Variants in COL4A3 observed in about 807,000 individuals in gnomAD.
COL4A3 encodes collagen alpha-3(IV) chain.
A neutral mutation model predicts 217.4 loss-of-function variants in COL4A3; 135 were observed. The observed-to-expected ratio is 0.62, with a 90% CI of 0.54 to 0.72. The LOEUF (loss-of-function observed/expected upper bound fraction) is 0.72. COL4A3 is among the 30% of genes least tolerant of loss of function. COL4A3 has a pLI of 0.00. For synonymous variants in COL4A3, 690 were observed against 736.3 expected, an observed-to-expected ratio of 0.94 and a Z score of 1.02; for missense variants, 1,868 against 2,119.9, an observed-to-expected ratio of 0.88 and a Z score of 2.33.
At chr2:227,192,633 C>A (rs1574524015) in intron 1 of COL4A3, among the ~76,000 whole-genome samples, 1 of 152,270 alleles carries the variant, frequency 6.6e-6, no homozygotes, top group Non-Finnish European at 1.5e-5. Context: ...GCAAGTGTCC[C>A]TTGGGACTTT....
chr2:227,307,862 A>C lies in COL4A3; in HGVS notation c.4405A>C (p.Ser1469Arg). The change falls in exon 48 of 52, where the codon AGT (serine) becomes CGT (arginine). Residue 1469 changes from serine (S) to arginine (R), a missense_variant. Ser to Arg is a moderately radical substitution (Grantham distance 110). Around this residue, in one of 2 missense-constraint regions of COL4A3, gnomAD observed 1,503 missense variants for 1,786.1 expected, o/e 0.84. Coordinates refer to ENST00000396578, the MANE Select transcript of COL4A3 (RefSeq NM_000091.5). ...SCPEGTVPLYSGFSFLFVQGN... is the reference protein window; with the variant it reads ...SCPEGTVPLYRGFSFLFVQGN... Reference sequence around the variant, plus strand: ...TCCAGAGGGGACAGTGCCACTCTACAGTGGGTTTTCTTTTCTTTTTGTACA... The same window carrying C: ...TCCAGAGGGGACAGTGCCACTCTACCGTGGGTTTTCTTTTCTTTTTGTACA... The C allele has an allele frequency of 1.2e-6, 2 of 1,614,168 alleles. No individual in the cohort carries two copies. Among genetic ancestry groups the C allele is most frequent in the East Asian group, 2.2e-5 (1 of 44,884 alleles).
At chr2:227,254,050 T>C (rs186166221) in intron 13 of COL4A3, 62 bp from the exon 14 acceptor site, 4 of 1,460,158 alleles carry the variant, frequency 2.7e-6, no homozygotes, top group Middle Eastern at 1.7e-4. Flanking sequence ...TTTGTCCCAC[T>C]GTTGAATCAG....
intron 34 of COL4A3, among the ~76,000 whole-genome samples, chr2:227,285,277 TAAAAAAAAAAAAA>T (rs764697409): frequency 1.4e-4 from 10 of 72,374 alleles, no homozygotes; most frequent in South Asian, 7.4e-4. Flanking sequence ...CTGCCAAACC[TAAAAAAAAAAAAA>T]AAAAAAAAAA....
chr2:227,239,750 A>G (rs968041856), intron 2 of COL4A3, among the ~76,000 whole-genome samples: 4 of 152,320 alleles, frequency 2.6e-5, no homozygotes, highest in Admixed American at 6.5e-5. Flanking sequence ...CACACTCCCC[A>G]GGCACCTTCT....
At chr2:227,244,179 G>A in intron 3 of COL4A3, 141 bp from the exon 4 acceptor site, 1 of 714,564 alleles carries the variant, frequency 1.4e-6, no homozygotes, top group South Asian at 1.6e-5. Flanking sequence ...AAATAAGCAA[G>A]CAATTGAATC....
intron 1 of COL4A3, among the ~76,000 whole-genome samples, chr2:227,185,027 G>A (rs888739941): frequency 4.0e-5 from 6 of 149,970 alleles, no homozygotes; most frequent in African/African-American, 7.4e-5. Context: ...TCAGCCTCCC[G>A]AATAGCTGGG....
At chr2:227,219,040 G>C (rs2067647914) in intron 1 of COL4A3, among the ~76,000 whole-genome samples, 1 of 151,564 alleles carries the variant, frequency 6.6e-6, no homozygotes, top group Admixed American at 6.6e-5. Context: ...TGTCCCCCAG[G>C]CTGGAGTGCA....
rs1394023072 is a variant in COL4A3 at position 227,284,116 on chromosome 2, A to T, written c.2747-95A>T. ...CAGCACTGTTAGCCTTTTTTGTTTG[A>T]TTTGTTCTGTTTTATAGTAAGCACT... On this transcript the variant is annotated intron_variant, in intron 33 of 51. Transcript: ENST00000396578. 21 of 1,529,234 alleles carry T rather than the reference A, an allele frequency of 1.4e-5. No homozygotes were observed. The Admixed American group carries it at 2.8e-4, about 21-fold the overall frequency. 94.7% of individuals were successfully genotyped at this position (1,529,234 alleles called of 1,614,324 possible). A position where few individuals can be genotyped will look rare whatever the true frequency, so the allele number is the denominator to read the frequency against.
Position 227,294,552 on chromosome 2 carries a change from G to A in COL4A3, c.3400G>A (p.Gly1134Arg). 6.2e-7 allele frequency: 1 copy of A among 1,612,438 alleles called. No homozygotes were observed. Among genetic ancestry groups the A allele is most frequent in the Non-Finnish European group, 8.5e-7 (1 of 1,178,478 alleles). ...AATCAAAGGCCTCCTGGGCCCTCCA[G>A]GAATCAGAGGCCCTCCAGGTTTCAT... The part of the protein sequence containing the change: ...KGIKGLLGPP[G>R]IRGPPGLPGF... Residue 1134 changes from glycine to arginine, a missense_variant, in exon 39 of 52, where the codon GGA (glycine) becomes AGA (arginine). This residue lies in a region of COL4A3 where 1,503 missense variants were observed against 1,786.1 expected (regional missense o/e 0.84). Coordinates refer to ENST00000396578, the MANE Select transcript of COL4A3 (RefSeq NM_000091.5).
At chr2:227,184,906 T>A (rs1304142237) in intron 1 of COL4A3, among the ~76,000 whole-genome samples, 1 of 135,030 alleles carries the variant, frequency 7.4e-6, no homozygotes, top group African/African-American at 2.8e-5. Context: ...TTTTTTTTTT[T>A]TTTTTTTTTT....
intron 1 of COL4A3, among the ~76,000 whole-genome samples, chr2:227,172,581 CTTTTTTT>C (rs11315628): frequency 4.6e-4 from 34 of 73,590 alleles, no homozygotes; most frequent in Non-Finnish European, 6.2e-4. Flanking sequence ...TCGTCTTCTT[CTTTTTTT>C]TTTTTTTTTT....
chr2:227,299,963 A>G (rs2073207276), intron 43 of COL4A3, among the ~76,000 whole-genome samples: 1 of 152,164 alleles, frequency 6.6e-6, no homozygotes, highest in South Asian at 2.1e-4. Flanking sequence ...GTAAATGCCT[A>G]TTTATTTTCT....
intron 1 of COL4A3, among the ~76,000 whole-genome samples, chr2:227,193,779 A>C (rs1366680108): frequency 3.7e-5 from 1 of 27,092 alleles, no homozygotes; most frequent in Admixed American, 3.8e-4. Context: ...GAAGGAAGGA[A>C]GGAAGGAAGG....
intron 1 of COL4A3, among the ~76,000 whole-genome samples, chr2:227,224,736 C>T (rs530113474): frequency 3.4e-5 from 5 of 145,026 alleles, no homozygotes; most frequent in South Asian, 2.2e-4. Flanking sequence ...GCCTGGGCAA[C>T]AAAAGTGAAA....
chr2:227,241,887 T>C (rs1289212522), intron 3 of COL4A3, among the ~76,000 whole-genome samples: 1 of 152,096 alleles, frequency 6.6e-6, no homozygotes, highest in African/African-American at 2.4e-5. Flanking sequence ...TTACCTCCAC[T>C]ACATGGATGA....
At position 227,313,450 on chromosome 2, in the gene COL4A3, A is replaced by C. The variant is rs2073809919; in HGVS notation, c.*1580A>C. ...CTACAAAACATTAAACTAGTGTTATACTTGATGATAACACTATTTGATGAG... is the reference window on the plus strand; with the variant it reads ...CTACAAAACATTAAACTAGTGTTATCCTTGATGATAACACTATTTGATGAG... On this transcript the variant is annotated 3_prime_UTR_variant, in exon 52 of 52. Transcript: ENST00000396578. 1 of 152,670 alleles carries C rather than the reference A, an allele frequency of 6.6e-6. No homozygotes were observed. The highest frequency in any genetic ancestry group is 2.1e-4 in the South Asian group (1 of 4,834). The allele number at this position is 152,670 out of a possible 1,614,324, so 9.5% of individuals were successfully genotyped here. A position where few individuals can be genotyped will look rare whatever the true frequency, so the allele number is the denominator to read the frequency against.
intron 1 of COL4A3, among the ~76,000 whole-genome samples, chr2:227,223,008 C>A (rs2067895944): frequency 6.6e-6 from 1 of 152,226 alleles, no homozygotes; most frequent in African/African-American, 2.4e-5. Context: ...TTAATCTCAA[C>A]TATCCTATAT....
intron 1 of COL4A3, among the ~76,000 whole-genome samples, chr2:227,230,688 T>G (rs1246461561): frequency 6.6e-6 from 1 of 152,260 alleles, no homozygotes; most frequent in Non-Finnish European, 1.5e-5. Context: ...ATAATTCATT[T>G]GAATTTTTGA....
chr2:227,289,668 A>G (rs1419721923), intron 35 of COL4A3, among the ~76,000 whole-genome samples: 1 of 152,206 alleles, frequency 6.6e-6, no homozygotes, highest in Admixed American at 6.5e-5. Context: ...GTAACAAAAT[A>G]TATGACATGG....
Sources: allele counts gnomAD v4.1 joint callset (sites outside exome capture counted in the v4.1 genomes callset), GRCh38; gene constraint gnomAD v4.1.1; regional missense constraint gnomAD v4.1.1; transcripts MANE v1.5; gene names NCBI Gene and HGNC (gene_info 2026-07-23, HGNC 2026-07-21).